Variants in CALN1 observed in about 807,000 individuals in gnomAD.
The protein encoded by CALN1 is calneuron 1.
A neutral mutation model predicts 30.6 loss-of-function variants in CALN1; 17 were observed. The ratio of observed to expected loss-of-function variants is 0.56; its 90% CI spans 0.38 to 0.83. The LOEUF is 0.83. Among genes scored for constraint, CALN1 ranks in the 40% least tolerant of loss-of-function variants. The pLI is 0.00. For synonymous variants in CALN1, 156 were observed against 131.4 expected, an observed-to-expected ratio of 1.19 and a Z score of -1.28; for missense variants, 291 against 354.9, an observed-to-expected ratio of 0.82 and a Z score of 1.45.
At chr7:72,001,057 T>G (rs573404410) in intron 5 of CALN1, among the ~76,000 whole-genome samples, 31 of 152,074 alleles carry the variant, frequency 2.0e-4, no homozygotes, top group African/African-American at 7.5e-4. Flanking sequence ...ATCTCAGGAG[T>G]TGGGTGAATG....
At chr7:72,274,714 T>C (rs1797228259) in intron 3 of CALN1, among the ~76,000 whole-genome samples, 1 of 152,158 alleles carries the variant, frequency 6.6e-6, no homozygotes, top group Non-Finnish European at 1.5e-5. Context: ...TATGCTTATT[T>C]GATTTTCCTC....
chr7:71,822,814 TCTA>T (rs1788673971), intron 5 of CALN1, among the ~76,000 whole-genome samples: 1 of 152,372 alleles, frequency 6.6e-6, no homozygotes, highest in Admixed American at 6.5e-5. Context: ...TGACACATTT[TCTA>T]CTATTTGCAT....
At chr7:72,031,672 A>T (rs1801445259) in intron 4 of CALN1, among the ~76,000 whole-genome samples, 1 of 150,376 alleles carries the variant, frequency 6.6e-6, no homozygotes, top group South Asian at 2.1e-4. Context: ...GGTTCGAGTG[A>T]TCTTCCCACC....
At chr7:72,035,955 G>A (rs989456600) in intron 4 of CALN1, among the ~76,000 whole-genome samples, 1 of 152,078 alleles carries the variant, frequency 6.6e-6, no homozygotes, top group Non-Finnish European at 1.5e-5. Context: ...GCTTCATATG[G>A]CTTCAAGTTA....
Position 71,781,974 on chromosome 7 carries a change from C to T in CALN1, c.*5801G>A, listed in dbSNP as rs572695140. On this transcript the variant is annotated 3_prime_UTR_variant, in exon 7 of 7. Coordinates refer to ENST00000395275, the MANE Select transcript of CALN1 (RefSeq NM_031468.4). ...TTGGAGACGTTTTGAACAGTATTGT[C>T]ATGTCTCTCGAGACCCTATGAAGAG... The T allele has an allele frequency of 8.5e-5, 13 of 152,318 alleles. No individual in the cohort carries two copies. The East Asian group carries it at 2.1e-3, about 25-fold the overall frequency. The allele number at this position is 152,318 out of a possible 1,614,324, so 9.4% of individuals were successfully genotyped here. A position where few individuals can be genotyped will look rare whatever the true frequency, so the allele number is the denominator to read the frequency against.
intron 5 of CALN1, among the ~76,000 whole-genome samples, chr7:71,978,334 C>G (rs1463814498): frequency 7.4e-6 from 1 of 135,954 alleles, no homozygotes; most frequent in African/African-American, 2.8e-5. Flanking sequence ...GGCAATGGCG[C>G]TATCTCGGCT....
intron 2 of CALN1, among the ~76,000 whole-genome samples, chr7:72,285,957 G>A (rs1435875123): frequency 7.2e-5 from 11 of 152,170 alleles, no homozygotes; most frequent in African/African-American, 2.7e-4. Flanking sequence ...TCCTGACACA[G>A]CCTTTGCCAA....
intron 2 of CALN1, among the ~76,000 whole-genome samples, chr7:72,398,686 G>A (rs970810099): frequency 1.3e-5 from 2 of 152,224 alleles, no homozygotes; most frequent in African/African-American, 4.8e-5. Context: ...TGGACAAGAA[G>A]TAAAGAAGTG....
chr7:72,393,332 C>CG (rs1805703002), intron 2 of CALN1, among the ~76,000 whole-genome samples: 1 of 151,884 alleles, frequency 6.6e-6, no homozygotes. Flanking sequence ...GGCATGGTGG[C>CG]GGGCACCTGT....
intron 5 of CALN1, among the ~76,000 whole-genome samples, chr7:71,884,980 G>T (rs1792813902): frequency 6.6e-6 from 1 of 152,074 alleles, no homozygotes; most frequent in South Asian, 2.1e-4. Flanking sequence ...AAGAACTTTG[G>T]TCTCTGCAAT....
At position 72,012,017 on chromosome 7, in the gene CALN1, G is replaced by A. The variant is rs376543937; in HGVS notation, c.501+11640C>T. 3.3e-4 allele frequency among the ~76,000 whole-genome samples: 51 copies of A among 152,256 alleles called. No homozygotes were observed. In the East Asian group the frequency reaches 5.0e-3, roughly 15 times the overall value. ...ATACCCTATGGGTTAAACACTTGAG[G>A]ATAAGTAGATTGAATAAAAAAAATA... On this transcript the variant is annotated intron_variant, in intron 5 of 6. Coordinates refer to ENST00000395275, the MANE Select transcript of CALN1 (RefSeq NM_031468.4).
chr7:72,309,700 C>T lies in CALN1; in HGVS notation c.120-30890G>A, dbSNP rs1026226010. Reference sequence around the variant, plus strand: ...GGTCCCCCGCTGTGCACTGTCGTCTCCTGTCCCACAGCCGGCCAAGAAAGA... The same window carrying T: ...GGTCCCCCGCTGTGCACTGTCGTCTTCTGTCCCACAGCCGGCCAAGAAAGA... On this transcript the variant is annotated intron_variant, in intron 2 of 6. Coordinates refer to ENST00000395275, the MANE Select transcript of CALN1 (RefSeq NM_031468.4). 6.6e-5 allele frequency among the ~76,000 whole-genome samples: 10 copies of T among 152,266 alleles called. No individual in the cohort carries two copies. In the South Asian group the frequency reaches 2.1e-3, roughly 32 times the overall value.
intron 2 of CALN1, among the ~76,000 whole-genome samples, chr7:72,285,502 CAA>C (rs1245568420): frequency 6.6e-6 from 1 of 152,186 alleles, no homozygotes; most frequent in Non-Finnish European, 1.5e-5. Context: ...CTCGGCCTCC[CAA>C]AGTGCTGGGA....
At chr7:71,830,825 T>C (rs1018993886) in intron 5 of CALN1, among the ~76,000 whole-genome samples, 11 of 152,198 alleles carry the variant, frequency 7.2e-5, no homozygotes, top group East Asian at 1.9e-4. Flanking sequence ...GTTATGTGGA[T>C]AGAACTCTTT....
At chr7:72,443,795 A>T (rs1269075946) in intron 1 of CALN1, among the ~76,000 whole-genome samples, 6 of 151,752 alleles carry the variant, frequency 4.0e-5, no homozygotes, top group Non-Finnish European at 8.8e-5. Flanking sequence ...GACCCTCTGC[A>T]AATGTTAGGT....
intron 5 of CALN1, among the ~76,000 whole-genome samples, chr7:72,019,022 T>C (rs1800559092): frequency 6.6e-6 from 1 of 151,570 alleles, no homozygotes; most frequent in African/African-American, 2.4e-5. Context: ...TTTTGTATTT[T>C]TTTTTTTCAG....
At chr7:71,841,981 A>T (rs1009855654) in intron 5 of CALN1, among the ~76,000 whole-genome samples, 4 of 151,894 alleles carry the variant, frequency 2.6e-5, no homozygotes. Flanking sequence ...AAACCTGTAC[A>T]TGTACCTCCT....
intron 4 of CALN1, among the ~76,000 whole-genome samples, chr7:72,092,288 G>A (rs1439994269): frequency 6.6e-6 from 1 of 152,022 alleles, no homozygotes; most frequent in Non-Finnish European, 1.5e-5. Context: ...TTGTATTGTA[G>A]TCAAAGAATG....
chr7:71,845,074 G>A (rs767642180), intron 5 of CALN1, among the ~76,000 whole-genome samples: 39 of 152,086 alleles, frequency 2.6e-4, no homozygotes, highest in Non-Finnish European at 5.1e-4. Context: ...AGTACAGACA[G>A]GGTTTCACCA....
Sources: allele counts gnomAD v4.1 joint callset (sites outside exome capture counted in the v4.1 genomes callset), GRCh38; gene constraint gnomAD v4.1.1; transcripts MANE v1.5; gene names NCBI Gene and HGNC (gene_info 2026-07-23, HGNC 2026-07-21).